The following ANO5 variants were observed in gnomAD, a reference collection of about 807,000 sequenced individuals.
ANO5 encodes anoctamin 5, also known as anoctamin-5.
ANO5 carries 109 observed loss-of-function variants against 121.0 expected under a neutral mutation model. The ratio of observed to expected loss-of-function variants is 0.90; its 90% CI spans 0.77 to 1.06. The LOEUF (loss-of-function observed/expected upper bound fraction) is 1.06, where lower values mean the gene tolerates loss of function less well. Ranked by LOEUF, ANO5 falls within the 50% of genes least tolerant of loss-of-function variation. The pLI is 0.00. For missense variants in ANO5, 1,064 were observed against 1,078.5 expected (o/e 0.99, Z 0.19); for synonymous variants, 406 against 359.9 (o/e 1.13, Z -1.45).
intron 12 of ANO5, among the ~76,000 whole-genome samples, chr11:22,252,155 G>A (rs1853846989): frequency 6.6e-6 from 1 of 151,554 alleles, no homozygotes; most frequent in African/African-American, 2.4e-5. Context: ...TTTCTGCTTG[G>A]CTGCTGTGGT....
At chr11:22,196,486 T>C (rs1425489658) in intron 1 of ANO5, among the ~76,000 whole-genome samples, 2 of 141,668 alleles carry the variant, frequency 1.4e-5, no homozygotes, top group Non-Finnish European at 3.1e-5. Flanking sequence ...GTATGAAAAG[T>C]TCATTGTTAT....
At position 22,250,741 on chromosome 11, in the gene ANO5, C is replaced by T. The variant is rs1853785759; in HGVS notation, c.1014C>T (p.Ser338=). The change falls in exon 11 of 22, where the codon AGC becomes AGT. Residue 338 remains serine (S), a splice_region_variant and synonymous_variant. Coordinates refer to ENST00000324559, the MANE Select transcript of ANO5 (RefSeq NM_213599.3). ...GLLSMEHNTS[S]TEICDPEIGG... is the part of the protein sequence containing the mutation. ...AATAACTTTGCTGTTCCTCTTGCAG[C>T]ACTGAAATCTGTGACCCTGAGATTG... 13 of 1,613,746 alleles carry T rather than the reference C, an allele frequency of 8.1e-6. No homozygotes were observed. Among genetic ancestry groups the T allele is most frequent in the Non-Finnish European group, 1.1e-5 (13 of 1,179,730 alleles).
intron 1 of ANO5, among the ~76,000 whole-genome samples, chr11:22,201,852 G>A (rs1851974002): frequency 6.6e-6 from 1 of 152,152 alleles, no homozygotes. Context: ...TCTCAACATT[G>A]TTGCATTGCA....
intron 5 of ANO5, among the ~76,000 whole-genome samples, chr11:22,222,305 T>A (rs1221708696): frequency 6.6e-6 from 1 of 151,962 alleles, no homozygotes; most frequent in Non-Finnish European, 1.5e-5. Context: ...TGTCCGTCTT[T>A]CCAGCAATCT....
chr11:22,247,932 A>G (rs1023268659), intron 9 of ANO5, among the ~76,000 whole-genome samples: 1 of 152,122 alleles, frequency 6.6e-6, no homozygotes, highest in Non-Finnish European at 1.5e-5. Flanking sequence ...GCTTAGAAAC[A>G]AAATTGAAAT....
chr11:22,261,024 T>G (rs1005786140), intron 15 of ANO5, among the ~76,000 whole-genome samples: 2 of 152,208 alleles, frequency 1.3e-5, no homozygotes, highest in Non-Finnish European at 2.9e-5. Flanking sequence ...GCAACACAAT[T>G]CTGTTGGAAA....
intron 7 of ANO5, among the ~76,000 whole-genome samples, chr11:22,228,735 A>G (rs1852932099): frequency 6.6e-6 from 1 of 151,946 alleles, no homozygotes; most frequent in Non-Finnish European, 1.5e-5. Context: ...CTGAGATCAT[A>G]TGGTGTTGAT....
At chr11:22,193,607 C>G in intron 1 of ANO5, 75 bp downstream of exon 1, 2 of 1,549,636 alleles carry the variant, frequency 1.3e-6, no homozygotes, top group South Asian at 2.3e-5. Context: ...GCGCAGAGGC[C>G]CCGGGGGACG....
At chr11:22,257,280 C>G (rs757159474) in intron 13 of ANO5, among the ~76,000 whole-genome samples, 1 of 152,064 alleles carries the variant, frequency 6.6e-6, no homozygotes, top group African/African-American at 2.4e-5. Context: ...AAGAAAGCAT[C>G]TAATTTAATA....
At chr11:22,238,405 C>A (rs7945385) in intron 8 of ANO5, among the ~76,000 whole-genome samples, 1,740 of 151,754 alleles carry the variant, frequency 0.011, 33 homozygotes, top group African/African-American at 0.039. Context: ...TTAAACTATG[C>A]ATGTAGCCTT....
chr11:22,250,273 C>T lies in ANO5; in HGVS notation c.915C>T (p.Val305=), dbSNP rs751617356. The T allele has an allele frequency of 6.2e-7, 1 of 1,605,994 alleles. No individual in the cohort carries two copies. The highest frequency in any genetic ancestry group is 2.2e-5 in the East Asian group (1 of 44,700). Reference sequence around the variant, plus strand: ...GAGAAAAAATTGGTATCTATTTTGTCTTTCTTGGATTTTACACAGAAATGC... The same window carrying T: ...GAGAAAAAATTGGTATCTATTTTGTTTTTCTTGGATTTTACACAGAAATGC... ...YYGEKIGIYF[V]FLGFYTEMLF... is the part of the protein sequence containing the mutation. The change falls in exon 10 of 22, where the codon GTC becomes GTT. Residue 305 remains valine (V), a synonymous_variant. Coordinates refer to ENST00000324559, the MANE Select transcript of ANO5 (RefSeq NM_213599.3).
intron 19 of ANO5, 72 bp from the exon 20 acceptor site, chr11:22,274,497 A>T (rs1854755043): frequency 7.5e-7 from 1 of 1,325,198 alleles, no homozygotes; most frequent in East Asian, 2.3e-5. Flanking sequence ...GTACTGAGAG[A>T]TGTACAAATC....
Position 22,272,741 on chromosome 11 carries a change from T to A in ANO5, c.2030-43T>A, listed in dbSNP as rs761010308. On this transcript the variant is annotated intron_variant, in intron 18 of 21. Transcript: ENST00000324559. ...TTTGGGCAGGGTGTTCCTGTCTTTC[T>A]CCTTCACAATAATGAGTTCATGCCT... 14 of 1,571,984 alleles carry A rather than the reference T, an allele frequency of 8.9e-6. 1 individual carries two copies. The South Asian group carries it at 1.6e-4, about 17-fold the overall frequency.
At chr11:22,206,014 C>T (rs1852109884) in intron 2 of ANO5, among the ~76,000 whole-genome samples, 1 of 152,080 alleles carries the variant, frequency 6.6e-6, no homozygotes, top group Non-Finnish European at 1.5e-5. Flanking sequence ...TAAATGGTCT[C>T]ATTGGAGAAT....
At chr11:22,202,651 A>G (rs908505705) in intron 1 of ANO5, among the ~76,000 whole-genome samples, 10 of 152,158 alleles carry the variant, frequency 6.6e-5, no homozygotes, top group South Asian at 2.1e-4. Context: ...GAAGAGGGAA[A>G]GCAGCTCTCT....
chr11:22,241,411 G>C (rs1853428412), intron 9 of ANO5, among the ~76,000 whole-genome samples: 1 of 151,940 alleles, frequency 6.6e-6, no homozygotes, highest in African/African-American at 2.4e-5. Flanking sequence ...CATATGCCCA[G>C]TAATGAGATT....
At chr11:22,241,408 C>G (rs1853428224) in intron 9 of ANO5, among the ~76,000 whole-genome samples, 1 of 151,752 alleles carries the variant, frequency 6.6e-6, no homozygotes, top group Non-Finnish European at 1.5e-5. Context: ...GAGCATATGC[C>G]CAGTAATGAG....
At chr11:22,244,977 C>T (rs1853570705) in intron 9 of ANO5, among the ~76,000 whole-genome samples, 2 of 152,104 alleles carry the variant, frequency 1.3e-5, no homozygotes, top group Admixed American at 1.3e-4. Context: ...CTGAATCTTT[C>T]TTGCCTGAGA....
chr11:22,274,722 G>A lies in ANO5; in HGVS notation c.2389G>A (p.Glu797Lys), dbSNP rs769902085. ...ADFPNHTAPS[E>K]KRDFITCRYR... is the part of the protein sequence containing the mutation. ...TTTTCCAAACCACACTGCACCTTCG[G>A]AAAAACGAGACTTCATCACTTGCAG... The change falls in exon 20 of 22, where the codon GAA (glutamate) becomes AAA (lysine). Residue 797 changes from glutamate (E) to lysine (K), a missense_variant. Physicochemically the swap from Glu to Lys is moderately conservative, Grantham distance 56. Coordinates refer to ENST00000324559, the MANE Select transcript of ANO5 (RefSeq NM_213599.3). The A allele has an allele frequency of 5.0e-6, 8 of 1,613,298 alleles. No homozygotes were observed. In the South Asian group the frequency reaches 8.8e-5, roughly 18 times the overall value.
Sources: gnomAD v4.1 joint callset for allele counts (sites outside exome capture counted in the v4.1 genomes callset) on GRCh38, gnomAD v4.1.1 for gene constraint, MANE v1.5 for transcripts, NCBI Gene and HGNC (gene_info 2026-07-23, HGNC 2026-07-21) for gene names.